RAPH1: variants seen among roughly 807,000 people sequenced by gnomAD.
RAPH1 encodes ras-associated and pleckstrin homology domains-containing protein 1.
In RAPH1, 18 loss-of-function variants were observed where a neutral mutation model predicts 88.1. That is an observed-to-expected ratio of 0.20 (90% CI 0.14 to 0.30). The LOEUF is 0.30. Among genes scored for constraint, RAPH1 ranks in the 10% least tolerant of loss-of-function variants. The pLI, the probability that RAPH1 is intolerant of heterozygous loss-of-function variation, is 1.00. For synonymous variants in RAPH1, 587 were observed against 559.0 expected (o/e 1.05, Z -0.71); for missense variants, 1,448 against 1,543.2 (o/e 0.94, Z 1.03).
intron 1 of RAPH1, among the ~76,000 whole-genome samples, chr2:203,531,434 A>C (rs891732131): frequency 1.3e-5 from 2 of 152,248 alleles, no homozygotes; most frequent in African/African-American, 4.8e-5. Flanking sequence ...GGATACTATC[A>C]AGACAGTGAA....
intron 1 of RAPH1, among the ~76,000 whole-genome samples, chr2:203,511,208 C>T (rs574282675): frequency 3.3e-5 from 5 of 151,414 alleles, no homozygotes; most frequent in South Asian, 2.1e-4. Flanking sequence ...ATGCAAATTT[C>T]GACTTTTTTC....
chr2:203,464,374 C>A (rs1324467993), intron 4 of RAPH1, among the ~76,000 whole-genome samples: 1 of 152,180 alleles, frequency 6.6e-6, no homozygotes, highest in Non-Finnish European at 1.5e-5. Context: ...CGGGTTCAAG[C>A]GATTCTCCTG....
At chr2:203,506,898 A>ATTTTTTTTTTTT (rs1243668890) in intron 1 of RAPH1, among the ~76,000 whole-genome samples, 2 of 87,878 alleles carry the variant, frequency 2.3e-5, no homozygotes, top group African/African-American at 6.4e-5. Context: ...ATATATATAT[A>ATTTTTTTTTTTT]TTTTTTTTTT....
intron 1 of RAPH1, among the ~76,000 whole-genome samples, chr2:203,525,299 T>G (rs1014609886): frequency 1.3e-5 from 2 of 151,958 alleles, no homozygotes; most frequent in Admixed American, 1.3e-4. Flanking sequence ...GATTCTCCTG[T>G]GTCAGTTTCC....
intron 8 of RAPH1, among the ~76,000 whole-genome samples, chr2:203,456,382 T>C (rs1233356611): frequency 6.6e-6 from 1 of 152,212 alleles, no homozygotes. Context: ...GCTAAGTGTA[T>C]GATTAAACTT....
In RAPH1 at chr2:203,488,978, G is replaced by A. The variant is rs560427805; in HGVS notation, c.732+606C>T. On this transcript the variant is annotated intron_variant, in intron 4 of 13. Coordinates refer to ENST00000319170, the MANE Select transcript of RAPH1 (RefSeq NM_213589.3). The stretch of plus-strand genomic sequence containing the variant: ...ATCTCTACTAAAAATATGAAAATTA[G>A]CTGGGCATGGTGGTGAGCGCCTGTA... Among the ~76,000 whole-genome samples, 62 of 152,214 alleles carry A rather than the reference G, an allele frequency of 4.1e-4. 1 individual carries two copies. In the South Asian group the frequency reaches 0.012, roughly 30 times the overall value.
chr2:203,454,114 C>T (rs976702609), intron 10 of RAPH1, among the ~76,000 whole-genome samples: 1 of 152,126 alleles, frequency 6.6e-6, no homozygotes, highest in Admixed American at 6.5e-5. Flanking sequence ...GACCTACATT[C>T]GGCTCTGTTC....
At chr2:203,478,638 C>T (rs140088123) in intron 4 of RAPH1, among the ~76,000 whole-genome samples, 3 of 152,134 alleles carry the variant, frequency 2.0e-5, no homozygotes, top group East Asian at 1.9e-4. Flanking sequence ...TACAGGCACC[C>T]GCCACCGCAC....
At chr2:203,517,042 A>T (rs1240643898) in intron 1 of RAPH1, among the ~76,000 whole-genome samples, 1 of 150,486 alleles carries the variant, frequency 6.6e-6, no homozygotes, top group Non-Finnish European at 1.5e-5. Flanking sequence ...TCTCAAAAAA[A>T]AAAAATAAAG....
intron 1 of RAPH1, among the ~76,000 whole-genome samples, chr2:203,533,967 G>A (rs889790796): frequency 2.0e-5 from 3 of 152,094 alleles, no homozygotes; most frequent in Non-Finnish European, 4.4e-5. Flanking sequence ...AGGGCGTACG[G>A]TTTCCCCCAC....
intron 4 of RAPH1, among the ~76,000 whole-genome samples, chr2:203,484,568 A>G (rs1169994941): frequency 1.3e-5 from 2 of 152,238 alleles, no homozygotes; most frequent in African/African-American, 4.8e-5. Flanking sequence ...ATGTGGAAAA[A>G]AAGCATATGG....
chr2:203,506,812 CTATATATCTATATA>C (rs1553630462), intron 1 of RAPH1, among the ~76,000 whole-genome samples: 1 of 52,196 alleles, frequency 1.9e-5, no homozygotes, highest in African/African-American at 1.1e-4. Context: ...ATATCTATAT[CTATATATCTATATA>C]TATATCTATA....
At chr2:203,491,381 TGAA>T in intron 2 of RAPH1, 62 bp from the exon 3 acceptor site, 1 of 1,185,238 alleles carries the variant, frequency 8.4e-7, no homozygotes, top group Non-Finnish European at 1.2e-6. Context: ...TAAAAAAAGA[TGAA>T]GTTTGTTTTA....
intron 1 of RAPH1, among the ~76,000 whole-genome samples, chr2:203,506,865 T>G (rs1376537474): frequency 1.6e-4 from 14 of 90,136 alleles, no homozygotes; most frequent in Non-Finnish European, 2.5e-4. Flanking sequence ...TCTATATATA[T>G]ATATATATAT....
rs1356446800 is a variant in RAPH1 at position 203,523,393 on chromosome 2, A to C, written c.-1+11718T>G. On this transcript the variant is annotated intron_variant, in intron 1 of 13. Transcript: ENST00000319170. ...GGGTGAAAGAGCGAGACTCTGTCTC[A>C]AAAAAAAAAAAAAACCACGTCAGAA... Among the ~76,000 whole-genome samples the C allele has an allele frequency of 1.5e-4, 15 of 100,378 alleles. No homozygotes were observed. The South Asian group carries it at 4.5e-3, about 30-fold the overall frequency. 65.9% of individuals were successfully genotyped at this position (100,378 alleles called of 152,430 possible). A position where few individuals can be genotyped will look rare whatever the true frequency, so the allele number is the denominator to read the frequency against.
chr2:203,504,167 T>C (rs189540763), intron 1 of RAPH1, among the ~76,000 whole-genome samples: 1 of 152,324 alleles, frequency 6.6e-6, no homozygotes, highest in African/African-American at 2.4e-5. Context: ...AGTGCCCCAG[T>C]GGGGACTCTG....
At chr2:203,507,109 C>G (rs1471161279) in intron 1 of RAPH1, among the ~76,000 whole-genome samples, 1 of 150,660 alleles carries the variant, frequency 6.6e-6, no homozygotes, top group African/African-American at 2.4e-5. Context: ...GTTGACCAGG[C>G]TGGTCTTGAA....
chr2:203,512,024 A>G (rs1689360682), intron 1 of RAPH1, among the ~76,000 whole-genome samples: 1 of 151,956 alleles, frequency 6.6e-6, no homozygotes, highest in South Asian at 2.1e-4. Flanking sequence ...GAGGCAGGAG[A>G]ATCGCTTGAA....
At chr2:203,521,079 A>C (rs1689845037) in intron 1 of RAPH1, among the ~76,000 whole-genome samples, 1 of 152,112 alleles carries the variant, frequency 6.6e-6, no homozygotes, top group African/African-American at 2.4e-5. Flanking sequence ...TTTGAGACGG[A>C]GTCTTGCTCT....
Sources: allele counts gnomAD v4.1 joint callset (sites outside exome capture counted in the v4.1 genomes callset), GRCh38; gene constraint gnomAD v4.1.1; transcripts MANE v1.5; gene names NCBI Gene and HGNC (gene_info 2026-07-23, HGNC 2026-07-21).